LRP2: variants seen among roughly 807,000 people sequenced by gnomAD.
LRP2 encodes the protein LDL receptor related protein 2, also known as low-density lipoprotein receptor-related protein 2.
Under a neutral mutation model 531.0 loss-of-function variants are expected in LRP2, and 172 were observed. The ratio of observed to expected loss-of-function variants is 0.32; its 90% CI spans 0.29 to 0.37. The LOEUF is 0.37. Ranked by LOEUF, LRP2 falls within the 10% of genes least tolerant of loss-of-function variation. LRP2 has a pLI of 1.00. For missense variants in LRP2, 5,167 were observed against 5,868.3 expected (o/e 0.88, Z 3.90); for synonymous variants, 1,992 against 2,027.6 (o/e 0.98, Z 0.47).
chr2:169,173,283 T>C, intron 56 of LRP2, 59 bp from the exon 57 acceptor site: 1 of 1,606,736 alleles, frequency 6.2e-7, no homozygotes, highest in Non-Finnish European at 8.5e-7. Flanking sequence ...ACCTTTCCAT[T>C]GTCACATTGA....
chr2:169,361,010 C>T (rs1455362432), intron 1 of LRP2, among the ~76,000 whole-genome samples: 1 of 152,212 alleles, frequency 6.6e-6, no homozygotes, highest in Non-Finnish European at 1.5e-5. Flanking sequence ...CCATCAACCC[C>T]AATATGTGAT....
In LRP2 at chr2:169,241,250, A is replaced by T; in HGVS notation, c.3783T>A (p.Asp1261Glu). ...DGHPDCLYGS[D>E]EHNACVPKTC... is the part of the protein sequence containing the mutation. ...TCTTGGGGACACAGGCATTGTGCTC[A>T]TCAGATCCATAGAGGCAGTCTGGAT... is the stretch of plus-strand genomic sequence containing the variant. Residue 1261 changes from aspartate (D) to glutamate (E), a missense_variant, in exon 25 of 79, where the codon GAT (aspartate) becomes GAA (glutamate). Physicochemically the swap from Asp to Glu is conservative, Grantham distance 45. Transcript: ENST00000649046. 6.2e-7 allele frequency: 1 copy of T among 1,614,216 alleles called. No homozygotes were observed. The highest frequency in any genetic ancestry group is 8.5e-7 in the Non-Finnish European group (1 of 1,180,038).
At chr2:169,238,026 A>G in intron 27 of LRP2, 65 bp downstream of exon 27, 6 of 1,407,160 alleles carry the variant, frequency 4.3e-6, no homozygotes, top group Non-Finnish European at 5.0e-6. Context: ...TCACTGGTGA[A>G]TAACAGCAAA....
chr2:169,310,217 C>T (rs1045211223), intron 3 of LRP2, among the ~76,000 whole-genome samples: 1 of 152,146 alleles, frequency 6.6e-6, no homozygotes. Context: ...CCCTTTATTT[C>T]TTTCTCCTGC....
chr2:169,316,047 T>C (rs1574250152), intron 3 of LRP2, among the ~76,000 whole-genome samples: 1 of 146,690 alleles, frequency 6.8e-6, no homozygotes, highest in Non-Finnish European at 1.5e-5. Flanking sequence ...GGCTGAGAAG[T>C]GGGAGGACCA....
chr2:169,301,613 C>A (rs989333353), intron 4 of LRP2, among the ~76,000 whole-genome samples: 1 of 152,028 alleles, frequency 6.6e-6, no homozygotes, highest in Admixed American at 6.6e-5. Flanking sequence ...AAAGACCAAA[C>A]GCAATAAGAA....
At chr2:169,326,984 C>T (rs1467542416) in intron 1 of LRP2, among the ~76,000 whole-genome samples, 27 of 149,020 alleles carry the variant, frequency 1.8e-4, no homozygotes, top group Admixed American at 7.9e-4. Context: ...ACCCAGCATC[C>T]GCCCCATCTG....
intron 3 of LRP2, among the ~76,000 whole-genome samples, chr2:169,314,614 A>C (rs891684682): frequency 6.6e-6 from 1 of 152,214 alleles, no homozygotes; most frequent in South Asian, 2.1e-4. Context: ...TTTAATTAGC[A>C]AAATGGTGTC....
At position 169,174,318 on chromosome 2, in the gene LRP2, C is replaced by T. The variant is rs113469317; in HGVS notation, c.10769-154G>A. Among the ~76,000 whole-genome samples, 1,405 of 152,306 alleles carry T rather than the reference C, an allele frequency of 9.2e-3. 20 individuals carry two copies. Among genetic ancestry groups the T allele is most frequent in the African/African-American group, 0.032 (1,349 of 41,562 alleles). The stretch of plus-strand genomic sequence containing the variant: ...TCAGTCAGTACTACTACATGGAGCA[C>T]TTCTTCTTTTGACTATTACTGTCTC... On this transcript the variant is annotated intron_variant, in intron 55 of 78. Transcript: ENST00000649046.
chr2:169,209,736 C>T, intron 37 of LRP2, 95 bp from the exon 38 acceptor site: 1 of 1,151,714 alleles, frequency 8.7e-7, no homozygotes. Context: ...TCCCAACCCC[C>T]TGCTCTGAGC....
chr2:169,228,883 G>A (rs570823798), intron 31 of LRP2, among the ~76,000 whole-genome samples: 1 of 152,272 alleles, frequency 6.6e-6, no homozygotes, highest in East Asian at 1.9e-4. Context: ...TGCTATATGG[G>A]AAAGCAAAAA....
chr2:169,194,340 C>T (rs956005276), intron 46 of LRP2, among the ~76,000 whole-genome samples: 3 of 152,164 alleles, frequency 2.0e-5, no homozygotes, highest in African/African-American at 4.8e-5. Context: ...TTTCAACATA[C>T]TAGACAATTT....
intron 1 of LRP2, 66 bp downstream of exon 1, chr2:169,362,255 G>C: frequency 7.1e-7 from 1 of 1,412,098 alleles, no homozygotes; most frequent in African/African-American, 1.4e-5. Context: ...CCGGCCTCCC[G>C]CGGACCCGAC....
intron 48 of LRP2, among the ~76,000 whole-genome samples, chr2:169,189,611 A>G (rs183185096): frequency 2.6e-4 from 39 of 152,286 alleles, no homozygotes; most frequent in African/African-American, 9.1e-4. Context: ...CAGCAGCATC[A>G]GTAGTGAGCC....
intron 1 of LRP2, among the ~76,000 whole-genome samples, chr2:169,334,229 AT>A (rs1310952145): frequency 6.6e-6 from 1 of 152,170 alleles, no homozygotes; most frequent in African/African-American, 2.4e-5. Context: ...AAATTTTAGA[AT>A]TTTAATGCTA....
At position 169,290,873 on chromosome 2, in the gene LRP2, T is replaced by G. The variant is rs183867145; in HGVS notation, c.894A>C (p.Glu298Asp). 10 of 1,614,058 alleles carry G rather than the reference T, an allele frequency of 6.2e-6. No individual in the cohort carries two copies. Among genetic ancestry groups the G allele is most frequent in the Non-Finnish European group, 8.5e-6 (10 of 1,180,028 alleles). ...AGTATTTTCCGGTACTAGTGTTGTTTTCATCTTCTCTTCCTGGGCAATCTA... is the reference window on the plus strand; with the variant it reads ...AGTATTTTCCGGTACTAGTGTTGTTGTCATCTTCTCTTCCTGGGCAATCTA... ...GILDCPGRED[E>D]NNTSTGKYCS... The change falls in exon 8 of 79, where the codon GAA becomes GAC. Residue 298 changes from glutamate to aspartate, a missense_variant. Around this residue, in one of 6 missense-constraint regions of LRP2, gnomAD observed 2,811 missense variants for 3,058.0 expected, o/e 0.92. Transcript: ENST00000649046.
At chr2:169,171,062 G>A (rs762166063) in intron 58 of LRP2, among the ~76,000 whole-genome samples, 2 of 150,436 alleles carry the variant, frequency 1.3e-5, no homozygotes, top group Non-Finnish European at 3.0e-5. Flanking sequence ...TGCCCAGCTT[G>A]ATTTTATCTT....
At chr2:169,138,542 C>T in intron 75 of LRP2, 35 bp downstream of exon 75, 1 of 1,610,762 alleles carries the variant, frequency 6.2e-7, no homozygotes, top group Non-Finnish European at 8.5e-7. Context: ...CTATAAATGA[C>T]AACCTTCAAA....
At chr2:169,135,945 G>A (rs1377971299) in intron 76 of LRP2, among the ~76,000 whole-genome samples, 1 of 152,020 alleles carries the variant, frequency 6.6e-6, no homozygotes, top group Non-Finnish European at 1.5e-5. Context: ...ATATCTCGTG[G>A]TGCTATCCCC....
Sources: gnomAD v4.1 joint callset for allele counts (sites outside exome capture counted in the v4.1 genomes callset) on GRCh38, gnomAD v4.1.1 for gene constraint, gnomAD v4.1.1 regional missense constraint, MANE v1.5 for transcripts, NCBI Gene and HGNC (gene_info 2026-07-23, HGNC 2026-07-21) for gene names.